PTPDC1: variants seen among roughly 807,000 people sequenced by gnomAD.
PTPDC1 encodes protein tyrosine phosphatase domain containing 1.
PTPDC1 carries 53 observed loss-of-function variants against 75.3 expected under a neutral mutation model. The observed-to-expected ratio is 0.70, with a 90% CI of 0.56 to 0.88. The LOEUF is 0.88. PTPDC1 is among the 40% of genes least tolerant of loss of function. PTPDC1 has a pLI of 0.00. For synonymous variants in PTPDC1, 349 were observed against 366.2 expected (o/e 0.95, Z 0.54); for missense variants, 925 against 998.6 (o/e 0.93, Z 0.99).
At position 94,092,986 on chromosome 9, in the gene PTPDC1, G is replaced by A. The variant is rs1488086444; in HGVS notation, c.617-2331G>A. On this transcript the variant is annotated intron_variant, in intron 4 of 8. Coordinates refer to ENST00000620992, the MANE Select transcript of PTPDC1 (RefSeq NM_001253829.2). ...TTTGAGCCTCTATGTGTCTCTGCACGTGAGATGGGTTTCCTGAATACAGCA... is the reference window on the plus strand; with the variant it reads ...TTTGAGCCTCTATGTGTCTCTGCACATGAGATGGGTTTCCTGAATACAGCA... Among the ~76,000 whole-genome samples, 32 of 151,398 alleles carry A rather than the reference G, an allele frequency of 2.1e-4. 1 individual carries two copies. Among genetic ancestry groups the A allele is most frequent in the South Asian group, 4.2e-4 (2 of 4,776 alleles).
chr9:94,074,984 G>A (rs1208829356), intron 2 of PTPDC1, among the ~76,000 whole-genome samples: 1 of 152,156 alleles, frequency 6.6e-6, no homozygotes, highest in African/African-American at 2.4e-5. Flanking sequence ...CTTACGTAGA[G>A]GCAGGTGGTG....
At chr9:94,044,722 T>TTC (rs911596148) in intron 1 of PTPDC1, among the ~76,000 whole-genome samples, 4 of 91,804 alleles carry the variant, frequency 4.4e-5, no homozygotes, top group African/African-American at 2.8e-4. Flanking sequence ...CTGCATACCT[T>TTC]TCTCTTTTTT....
Position 94,098,308 on chromosome 9 carries a change from G to C in PTPDC1, c.1742G>C (p.Cys581Ser), listed in dbSNP as rs1380398613. The change falls in exon 6 of 9, where the codon TGT becomes TCT. Residue 581 changes from cysteine (C) to serine (S), a missense_variant. Transcript: ENST00000620992. ...PAHQQVSHCQ[C>S]KTHGVGSPGS... ...CACCAGCAAGTGTCTCACTGTCAGT[G>C]TAAAACTCATGGTGTTGGGAGCCCT... 6.2e-7 allele frequency: 1 copy of C among 1,614,240 alleles called. No homozygotes were observed. The highest frequency in any genetic ancestry group is 8.5e-7 in the Non-Finnish European group (1 of 1,180,044).
chr9:94,078,409 C>CT (rs1418448235), intron 2 of PTPDC1, among the ~76,000 whole-genome samples: 1 of 152,150 alleles, frequency 6.6e-6, no homozygotes, highest in Non-Finnish European at 1.5e-5. Context: ...CACAAGGAGT[C>CT]ATTTTTCTAT....
rs1297567045 is a variant in PTPDC1, at chr9:94,085,691, ATAAT to A, written c.416+272_416+275del. 2.6e-5 allele frequency among the ~76,000 whole-genome samples: 4 copies of A among 152,226 alleles called. No homozygotes were observed. The East Asian group carries it at 5.8e-4, about 22-fold the overall frequency. ...TATATAAAGTGTATTGAAGAAATGG[ATAAT>A]TAGATAGCTCTTAAATTTCAGAAAT... On this transcript the variant is annotated intron_variant, in intron 2 of 8. Transcript: ENST00000620992.
intron 8 of PTPDC1, among the ~76,000 whole-genome samples, chr9:94,105,136 A>G (rs1827969608): frequency 6.6e-6 from 1 of 152,092 alleles, no homozygotes; most frequent in South Asian, 2.1e-4. Context: ...TTCCTTTTTA[A>G]TATTTGTCCA....
intron 1 of PTPDC1, among the ~76,000 whole-genome samples, chr9:94,031,886 T>C (rs1394257636): frequency 1.3e-5 from 2 of 152,182 alleles, no homozygotes; most frequent in Non-Finnish European, 2.9e-5. Flanking sequence ...TAAAACATAC[T>C]AGCATTCATA....
intron 8 of PTPDC1, among the ~76,000 whole-genome samples, chr9:94,106,889 T>C (rs1828040447): frequency 6.6e-6 from 1 of 152,114 alleles, no homozygotes; most frequent in Non-Finnish European, 1.5e-5. Flanking sequence ...TATGTGTAAA[T>C]AGTGCGCTCC....
At chr9:94,038,012 G>T in intron 1 of PTPDC1, 2 of 364,414 alleles carry the variant, frequency 5.5e-6, no homozygotes, top group South Asian at 5.7e-5. Context: ...TTGCGCCAGC[G>T]ACAAAAAAGA....
intron 6 of PTPDC1, among the ~76,000 whole-genome samples, chr9:94,099,143 T>G (rs1386201984): frequency 6.6e-6 from 1 of 152,220 alleles, no homozygotes; most frequent in African/African-American, 2.4e-5. Flanking sequence ...TACGTGCCAT[T>G]CACTTTAGCT....
chr9:94,041,917 G>A (rs1484150112), intron 1 of PTPDC1, among the ~76,000 whole-genome samples: 1 of 152,158 alleles, frequency 6.6e-6, no homozygotes, highest in Non-Finnish European at 1.5e-5. Flanking sequence ...GGCCGTGTCA[G>A]TGACCATAGG....
chr9:94,073,272 A>C (rs961806040), intron 2 of PTPDC1, among the ~76,000 whole-genome samples: 2 of 152,020 alleles, frequency 1.3e-5, no homozygotes, highest in Non-Finnish European at 2.9e-5. Context: ...GATTTGATCC[A>C]TTTCTTCTAA....
At chr9:94,096,233 C>G (rs1000343050) in intron 5 of PTPDC1, among the ~76,000 whole-genome samples, 7 of 152,210 alleles carry the variant, frequency 4.6e-5, no homozygotes, top group Admixed American at 4.6e-4. Context: ...GCCAGGGGAT[C>G]TGCCACATAC....
intron 1 of PTPDC1, among the ~76,000 whole-genome samples, chr9:94,046,859 C>T (rs1417916085): frequency 2.0e-5 from 3 of 152,278 alleles, no homozygotes; most frequent in Admixed American, 2.0e-4. Flanking sequence ...CCTGATTGCC[C>T]AGGCCAGAAC....
At chr9:94,050,163 CCTCCTTTAG>C (rs200194693) in intron 1 of PTPDC1, among the ~76,000 whole-genome samples, 5,680 of 152,174 alleles carry the variant, frequency 0.037, 151 homozygotes, top group Non-Finnish European at 0.055. Context: ...GTTTGAACTT[CCTCCTTTAG>C]CTCGGAGTAG....
At chr9:94,064,190 G>A (rs150485718) in intron 1 of PTPDC1, among the ~76,000 whole-genome samples, 1,614 of 152,126 alleles carry the variant, frequency 0.011, 19 homozygotes, top group Middle Eastern at 0.024. Flanking sequence ...TCTTTCATCC[G>A]CAGCTGTGTA....
intron 2 of PTPDC1, among the ~76,000 whole-genome samples, chr9:94,076,592 C>T (rs1183085110): frequency 6.6e-6 from 1 of 152,226 alleles, no homozygotes; most frequent in East Asian, 1.9e-4. Context: ...TTTATCCATT[C>T]CCCTGATGGG....
chr9:94,075,731 GCAACTCTACTTGGA>G (rs1370562028), intron 2 of PTPDC1, among the ~76,000 whole-genome samples: 2 of 152,156 alleles, frequency 1.3e-5, no homozygotes, highest in Non-Finnish European at 2.9e-5. Flanking sequence ...GAGGAATGGG[GCAACTCTACTTGGA>G]CAGAAACAGA....
chr9:94,104,478 A>T (rs2118101027), intron 8 of PTPDC1, 93 bp downstream of exon 8: 1 of 770,648 alleles, frequency 1.3e-6, no homozygotes, highest in East Asian at 2.7e-5. Context: ...CCTCTAAAAT[A>T]AAACATGTAT....
Sources: allele counts gnomAD v4.1 joint callset (sites outside exome capture counted in the v4.1 genomes callset), GRCh38; gene constraint gnomAD v4.1.1; transcripts MANE v1.5; gene names NCBI Gene and HGNC (gene_info 2026-07-23, HGNC 2026-07-21).